Variants in IMPA2 observed in about 807,000 individuals in gnomAD.
IMPA2 encodes IMP 2.
A neutral mutation model predicts 35.1 loss-of-function variants in IMPA2; 32 were observed. The observed-to-expected ratio is 0.91, with a 90% CI of 0.69 to 1.23. IMPA2 has a LOEUF of 1.23. Among genes scored for constraint, IMPA2 ranks in the 50% most tolerant of loss-of-function variants. IMPA2 has a pLI of 0.00. For missense variants in IMPA2, 334 were observed against 387.6 expected (o/e 0.86, Z 1.16); for synonymous variants, 135 against 160.6 (o/e 0.84, Z 1.20).
At chr18:12,014,710 G>A (rs1384711000) in intron 5 of IMPA2, among the ~76,000 whole-genome samples, 3 of 152,098 alleles carry the variant, frequency 2.0e-5, no homozygotes, top group Non-Finnish European at 2.9e-5. Flanking sequence ...CAGAGCACCC[G>A]GCACACCTCG....
intron 1 of IMPA2, among the ~76,000 whole-genome samples, chr18:11,988,817 G>A (rs1251992019): frequency 1.3e-5 from 2 of 152,076 alleles, no homozygotes; most frequent in African/African-American, 2.4e-5. Context: ...GGTTAAGCTC[G>A]AATTGCCAGT....
At chr18:12,029,022 G>A (rs771884175) in intron 7 of IMPA2, 29 bp downstream of exon 7, 39 of 1,605,446 alleles carry the variant, frequency 2.4e-5, no homozygotes, top group African/African-American at 6.7e-5. Flanking sequence ...GAAATGCAGC[G>A]GCAGAAACTA....
intron 4 of IMPA2, among the ~76,000 whole-genome samples, chr18:12,013,943 G>T (rs147618526): frequency 6.4e-4 from 98 of 152,274 alleles, no homozygotes; most frequent in Middle Eastern, 3.4e-3. Context: ...GCAACAAAAG[G>T]GGCCTTTCTA....
intron 2 of IMPA2, among the ~76,000 whole-genome samples, chr18:12,007,675 C>CTTTCTTTCT (rs1555645780): frequency 1.1e-5 from 1 of 88,800 alleles, no homozygotes; most frequent in East Asian, 3.1e-4. Flanking sequence ...TTCTTTCTTT[C>CTTTCTTTCT]TTTCCTTTCT....
intron 1 of IMPA2, among the ~76,000 whole-genome samples, chr18:11,990,593 G>A (rs1429851414): frequency 2.0e-5 from 3 of 152,206 alleles, no homozygotes; most frequent in Admixed American, 1.3e-4. Context: ...CTGATGGGGT[G>A]TGGCCCTTGG....
At position 12,028,768 on chromosome 18, in the gene IMPA2, G is replaced by C. The variant is rs141091736; in HGVS notation, c.600-74G>C. On this transcript the variant is annotated intron_variant, in intron 6 of 7. Transcript: ENST00000269159. ...GGGAAAATGCCCAGCCGGGGTACCT[G>C]GCTGAAGTCGGCTTGCACACCACAG... 7.3e-4 allele frequency: 1,099 copies of C among 1,510,346 alleles called. 6 individuals carry two copies. The African/African-American group carries it at 0.011, about 15-fold the overall frequency. 93.6% of individuals were successfully genotyped at this position (1,510,346 alleles called of 1,614,324 possible).
intron 5 of IMPA2, among the ~76,000 whole-genome samples, chr18:12,022,554 T>TATATATATATATATA (rs1907762232): frequency 6.9e-6 from 1 of 144,350 alleles, no homozygotes; most frequent in Non-Finnish European, 1.5e-5. Context: ...TATATATATA[T>TATATATATATATATA]ATTTGTGTGT....
chr18:12,018,588 C>T (rs867695764), intron 5 of IMPA2, among the ~76,000 whole-genome samples: 12 of 152,014 alleles, frequency 7.9e-5, no homozygotes, highest in Middle Eastern at 3.2e-3. Flanking sequence ...TTACTGAAGG[C>T]CTTTAAAACA....
intron 1 of IMPA2, among the ~76,000 whole-genome samples, chr18:11,998,507 T>A (rs1297328498): frequency 6.6e-6 from 1 of 152,154 alleles, no homozygotes. Flanking sequence ...CTCTCCCGGG[T>A]TTCTCAGTGG....
At chr18:12,016,662 A>G (rs941031073) in intron 5 of IMPA2, among the ~76,000 whole-genome samples, 1 of 151,552 alleles carries the variant, frequency 6.6e-6, no homozygotes. Context: ...CAAGTGATCC[A>G]CCCGCCTCGG....
chr18:12,026,119 C>G (rs1907875968), intron 5 of IMPA2, among the ~76,000 whole-genome samples: 1 of 151,250 alleles, frequency 6.6e-6, no homozygotes, highest in Non-Finnish European at 1.5e-5. Flanking sequence ...ACTGCAACCT[C>G]CGCCTCCCGG....
intron 4 of IMPA2, 131 bp from the exon 5 acceptor site, chr18:12,014,134 G>A: frequency 1.5e-6 from 1 of 685,662 alleles, no homozygotes; most frequent in South Asian, 1.7e-5. Flanking sequence ...CTTTTGGAAA[G>A]GTAATTTCTG....
intron 1 of IMPA2, among the ~76,000 whole-genome samples, chr18:11,984,076 A>G (rs1906585581): frequency 6.6e-6 from 1 of 152,170 alleles, no homozygotes; most frequent in Non-Finnish European, 1.5e-5. Flanking sequence ...AGATGCGGAA[A>G]GGTGAGGGAG....
At chr18:12,014,667 G>A (rs954307579) in intron 5 of IMPA2, among the ~76,000 whole-genome samples, 1 of 152,104 alleles carries the variant, frequency 6.6e-6, no homozygotes, top group Admixed American at 6.5e-5. Flanking sequence ...GTGGGATTGG[G>A]TGAGCAGCCC....
At chr18:12,028,214 C>A in intron 6 of IMPA2, 63 bp downstream of exon 6, 3 of 1,068,364 alleles carry the variant, frequency 2.8e-6, no homozygotes, top group Non-Finnish European at 4.3e-6. Flanking sequence ...CACGGACTTG[C>A]TAAAACTCCC....
chr18:11,981,714 C>T lies in IMPA2; in HGVS notation c.45C>T (p.Pro15=), dbSNP rs774829545. 6.3e-5 allele frequency: 77 copies of T among 1,230,160 alleles called. No individual in the cohort carries two copies. Among genetic ancestry groups the T allele is most frequent in the Non-Finnish European group, 7.7e-5 (76 of 986,890 alleles). 76.2% of individuals were successfully genotyped at this position (1,230,160 alleles called of 1,614,324 possible). The change falls in exon 1 of 8, where the codon CCC becomes CCT. Residue 15 remains proline (P), a synonymous_variant. Coordinates refer to ENST00000269159, the MANE Select transcript of IMPA2 (RefSeq NM_014214.3). The part of the protein sequence containing the change: ...GEDQAALAAG[P]WEECFQAAVQ... ...ACCAGGCGGCGCTGGCGGCCGGCCCCTGGGAGGAGTGCTTCCAGGCGGCCG... is the reference window on the plus strand; with the variant it reads ...ACCAGGCGGCGCTGGCGGCCGGCCCTTGGGAGGAGTGCTTCCAGGCGGCCG...
At chr18:12,022,423 T>A (rs1009125193) in intron 5 of IMPA2, among the ~76,000 whole-genome samples, 1 of 151,006 alleles carries the variant, frequency 6.6e-6, no homozygotes, top group Admixed American at 6.6e-5. Context: ...TTCGGGAGGC[T>A]GAGGCAGGAG....
chr18:11,983,820 T>G (rs1210987332), intron 1 of IMPA2, among the ~76,000 whole-genome samples: 1 of 151,992 alleles, frequency 6.6e-6, no homozygotes, highest in Non-Finnish European at 1.5e-5. Context: ...TCGGAACCTG[T>G]GTAAAGAGGG....
chr18:12,022,958 T>C (rs1205473296), intron 5 of IMPA2, among the ~76,000 whole-genome samples: 2 of 143,074 alleles, frequency 1.4e-5, no homozygotes, highest in African/African-American at 2.6e-5. Context: ...TTTTTTTTTT[T>C]TTTTTTTTGT....
Sources: allele counts gnomAD v4.1 joint callset (sites outside exome capture counted in the v4.1 genomes callset), GRCh38; gene constraint gnomAD v4.1.1; transcripts MANE v1.5; gene names NCBI Gene and HGNC (gene_info 2026-07-23, HGNC 2026-07-21).